The following C8A variants were observed in gnomAD, a reference collection of about 807,000 sequenced individuals.
The protein encoded by C8A is complement C8 alpha chain.
C8A carries 67 observed loss-of-function variants against 65.3 expected under a neutral mutation model. That is an observed-to-expected ratio of 1.03 (90% CI 0.84 to 1.26). The LOEUF is 1.26. C8A is among the 50% of genes most tolerant of loss of function. The pLI, the probability that C8A is intolerant of heterozygous loss-of-function variation, is 0.00. For synonymous variants in C8A, 290 were observed against 259.4 expected (o/e 1.12, Z -1.13); for missense variants, 781 against 723.9 (o/e 1.08, Z -0.90).
chr1:56,892,751 T>C (rs924280491), intron 7 of C8A, among the ~76,000 whole-genome samples: 1 of 152,196 alleles, frequency 6.6e-6, no homozygotes, highest in African/African-American at 2.4e-5. Flanking sequence ...ACCCCTTCTG[T>C]GGCTCATGTA....
At chr1:56,862,461 G>T (rs1200805814) in intron 1 of C8A, among the ~76,000 whole-genome samples, 1 of 152,104 alleles carries the variant, frequency 6.6e-6, no homozygotes, top group African/African-American at 2.4e-5. Flanking sequence ...ATATGTTATT[G>T]AGCATTTTGA....
intron 1 of C8A, among the ~76,000 whole-genome samples, chr1:56,863,631 A>G (rs1242629751): frequency 6.6e-6 from 1 of 152,094 alleles, no homozygotes; most frequent in Non-Finnish European, 1.5e-5. Context: ...TCTCCTTCCA[A>G]TTCGCCATGT....
Position 56,917,572 on chromosome 1 carries a change from A to C in C8A, c.1611A>C (p.Lys537Asn). Residue 537 changes from lysine (K) to asparagine (N), a missense_variant, in exon 11 of 11, where the codon AAA (lysine) becomes AAC (asparagine). Lys to Asn is a moderately conservative substitution (Grantham distance 94). Coordinates refer to ENST00000361249, the MANE Select transcript of C8A (RefSeq NM_000562.3). ...ACEQTQTEGA[K>N]ADGSWSCWSS... The stretch of plus-strand genomic sequence containing the variant: ...GGGAAATTTCCTCTGCAGGAGCCAA[A>C]GCAGATGGGAGCTGGAGTTGCTGGA... 6.2e-7 allele frequency: 1 copy of C among 1,614,134 alleles called. No homozygotes were observed. The highest frequency in any genetic ancestry group is 8.5e-7 in the Non-Finnish European group (1 of 1,180,020).
chr1:56,908,551 T>G (rs534528246), intron 9 of C8A, among the ~76,000 whole-genome samples: 4 of 152,326 alleles, frequency 2.6e-5, no homozygotes, highest in African/African-American at 9.6e-5. Flanking sequence ...TTCTTCTTCT[T>G]TCTCTTCTTC....
intron 1 of C8A, among the ~76,000 whole-genome samples, chr1:56,860,595 A>T (rs1259211369): frequency 6.6e-6 from 1 of 152,190 alleles, no homozygotes; most frequent in Non-Finnish European, 1.5e-5. Flanking sequence ...CATAACAAGG[A>T]GCTGCTTAAA....
intron 1 of C8A, among the ~76,000 whole-genome samples, chr1:56,863,240 T>C (rs1038836042): frequency 6.6e-6 from 1 of 152,202 alleles, no homozygotes; most frequent in African/African-American, 2.4e-5. Context: ...TTTATAATCA[T>C]CAAAAAATGA....
chr1:56,854,918 T>G lies in C8A; in HGVS notation c.17T>G (p.Phe6Cys). ...CTGGCTGAGATGTTTGCTGTTGTTT[T>G]CTTCATCTTGTCTTTGATGACTTGT... MFAVV[F>C]FILSLMTCQP... Residue 6 changes from phenylalanine (F) to cysteine (C), a missense_variant, in exon 1 of 11, where the codon TTC becomes TGC. Coordinates refer to ENST00000361249, the MANE Select transcript of C8A (RefSeq NM_000562.3). 6.2e-7 allele frequency: 1 copy of G among 1,613,724 alleles called. No individual in the cohort carries two copies.
intron 2 of C8A, among the ~76,000 whole-genome samples, chr1:56,870,777 C>T (rs568395549): frequency 2.9e-4 from 44 of 150,984 alleles, no homozygotes; most frequent in South Asian, 6.3e-4. Flanking sequence ...CTCAAAAACA[C>T]GTGCGTTTTT....
intron 6 of C8A, 120 bp from the exon 7 acceptor site, chr1:56,885,807 C>T: frequency 1.4e-6 from 2 of 1,381,694 alleles, no homozygotes; most frequent in Non-Finnish European, 1.0e-6. Context: ...GCTTCTGCCT[C>T]CCAAAATGCT....
At chr1:56,867,115 G>C (rs1644096752) in intron 1 of C8A, among the ~76,000 whole-genome samples, 1 of 152,152 alleles carries the variant, frequency 6.6e-6, no homozygotes, top group South Asian at 2.1e-4. Context: ...AAATCATCTT[G>C]TAGTAAACCT....
At chr1:56,883,735 C>A in intron 6 of C8A, 54 bp downstream of exon 6, 1 of 1,411,136 alleles carries the variant, frequency 7.1e-7, no homozygotes, top group Non-Finnish European at 1.0e-6. Flanking sequence ...ACACTGAACA[C>A]GTATTACCTT....
At chr1:56,859,396 A>G (rs1331001030) in intron 1 of C8A, among the ~76,000 whole-genome samples, 1 of 152,258 alleles carries the variant, frequency 6.6e-6, no homozygotes, top group Non-Finnish European at 1.5e-5. Context: ...ATAAAGTGTT[A>G]GAAGATCCAT....
At chr1:56,857,426 T>C (rs1643987787) in intron 1 of C8A, among the ~76,000 whole-genome samples, 1 of 152,034 alleles carries the variant, frequency 6.6e-6, no homozygotes, top group Admixed American at 6.6e-5. Flanking sequence ...CAACCTATTA[T>C]GTTTATTATT....
intron 7 of C8A, among the ~76,000 whole-genome samples, chr1:56,888,165 T>C (rs1644316102): frequency 1.3e-5 from 2 of 152,152 alleles, no homozygotes; most frequent in Admixed American, 1.3e-4. Context: ...TTATCTTCCT[T>C]ATCCAGATAG....
intron 7 of C8A, 29 bp downstream of exon 7, chr1:56,886,196 A>G (rs375652434): frequency 7.7e-5 from 124 of 1,612,874 alleles, no homozygotes; most frequent in Non-Finnish European, 1.0e-4. Flanking sequence ...CTATGTACAC[A>G]GTAGTCAACA....
At chr1:56,887,482 G>T (rs906384587) in intron 7 of C8A, among the ~76,000 whole-genome samples, 2 of 152,114 alleles carry the variant, frequency 1.3e-5, no homozygotes, top group South Asian at 2.1e-4. Context: ...TCATATGCTT[G>T]TTGGCCACAT....
chr1:56,917,605 G>A lies in C8A; in HGVS notation c.1644G>A (p.Trp548Ter), dbSNP rs756933744. Residue 548 changes from tryptophan (W) to a stop codon, truncating the protein, a stop_gained, in exon 11 of 11, where the codon TGG becomes TGA. Coordinates refer to ENST00000361249, the MANE Select transcript of C8A (RefSeq NM_000562.3). LOFTEE classifies it high-confidence loss of function. ...GGAGCTGGAGTTGCTGGAGCTCCTG[G>A]TCTGTATGCAGAGCAGGCATCCAGG... ...ADGSWSCWSS[W>*]SVCRAGIQER... 3.3e-5 allele frequency: 54 copies of A among 1,613,968 alleles called. No homozygotes were observed. The highest frequency in any genetic ancestry group is 4.6e-5 in the Non-Finnish European group (54 of 1,179,964).
Position 56,875,101 on chromosome 1 carries a change from G to GCATTTCAGCAGAATA in C8A, c.316+9_316+23dup, listed in dbSNP as rs765161829. 7 of 1,612,802 alleles carry GCATTTCAGCAGAATA rather than the reference G, an allele frequency of 4.3e-6. No individual in the cohort carries two copies. Among genetic ancestry groups the GCATTTCAGCAGAATA allele is most frequent in the Non-Finnish European group, 5.9e-6 (7 of 1,179,430 alleles). ...TCCAGTGTAAGGAGACAGGTGAGTA[G>GCATTTCAGCAGAATA]CATTTCAGCAGAATAACAGCTGTGC... On this transcript the variant is annotated intron_variant, in intron 3 of 10. Coordinates refer to ENST00000361249, the MANE Select transcript of C8A (RefSeq NM_000562.3).
At chr1:56,890,093 C>G (rs1644332960) in intron 7 of C8A, among the ~76,000 whole-genome samples, 1 of 152,130 alleles carries the variant, frequency 6.6e-6, no homozygotes, top group Non-Finnish European at 1.5e-5. Flanking sequence ...TCTGACTTCT[C>G]TGGTTACAAA....
Sources: gnomAD v4.1 joint callset for allele counts (sites outside exome capture counted in the v4.1 genomes callset) on GRCh38, gnomAD v4.1.1 for gene constraint, MANE v1.5 for transcripts, NCBI Gene and HGNC (gene_info 2026-07-23, HGNC 2026-07-21) for gene names.